MAGI2: variants seen among roughly 807,000 people sequenced by gnomAD.
MAGI2 encodes membrane associated guanylate kinase, WW and PDZ domain containing 2.
Under a neutral mutation model 133.3 loss-of-function variants are expected in MAGI2, and 35 were observed. That is an observed-to-expected ratio of 0.26 (90% CI 0.20 to 0.35). MAGI2 has a LOEUF of 0.35. MAGI2 is among the 10% of genes least tolerant of loss of function. The probability of loss-of-function intolerance (pLI) is 1.00; values close to 1 mark genes in which losing one functional copy is unlikely to be tolerated. For synonymous variants in MAGI2, 729 were observed against 710.6 expected (o/e 1.03, Z -0.41); for missense variants, 1,636 against 1,863.4 (o/e 0.88, Z 2.25).
chr7:78,463,614 G>A (rs1687239815), intron 6 of MAGI2, among the ~76,000 whole-genome samples: 2 of 152,206 alleles, frequency 1.3e-5, no homozygotes, highest in South Asian at 4.1e-4. Flanking sequence ...ATAAGCGGGA[G>A]AGCAAAGATG....
chr7:78,927,778 C>T (rs971065138), intron 2 of MAGI2, among the ~76,000 whole-genome samples: 87 of 151,754 alleles, frequency 5.7e-4, no homozygotes, highest in Non-Finnish European at 1.5e-4. Flanking sequence ...CTTTCTTCTT[C>T]CTCCATTTCT....
intron 1 of MAGI2, among the ~76,000 whole-genome samples, chr7:79,020,137 A>T (rs11769552): frequency 0.59 from 89,323 of 151,932 alleles, 26,593 homozygotes; most frequent in East Asian, 0.63. Flanking sequence ...CTTGTTGGGA[A>T]CAGGAATAAA....
chr7:78,408,709 T>A (rs1358547466), intron 6 of MAGI2, among the ~76,000 whole-genome samples: 1 of 152,020 alleles, frequency 6.6e-6, no homozygotes, highest in African/African-American at 2.4e-5. Context: ...AAAATACACA[T>A]CAAATTTTGA....
At chr7:78,434,088 G>T (rs1314027204) in intron 6 of MAGI2, among the ~76,000 whole-genome samples, 1 of 151,884 alleles carries the variant, frequency 6.6e-6, no homozygotes, top group East Asian at 1.9e-4. Context: ...CTTTTTTTCA[G>T]ATATAGATTC....
intron 1 of MAGI2, among the ~76,000 whole-genome samples, chr7:79,010,388 C>T (rs1249239917): frequency 2.0e-5 from 3 of 151,936 alleles, no homozygotes; most frequent in Non-Finnish European, 4.4e-5. Context: ...CAATGATGTC[C>T]TCAAAAAGTA....
At chr7:78,332,665 G>A (rs1227593903) in intron 9 of MAGI2, among the ~76,000 whole-genome samples, 2 of 144,068 alleles carry the variant, frequency 1.4e-5, no homozygotes, top group Non-Finnish European at 3.0e-5. Context: ...GCCACTGCAC[G>A]CTAGCCTGGG....
intron 2 of MAGI2, among the ~76,000 whole-genome samples, chr7:78,921,004 C>T (rs1334832626): frequency 5.9e-5 from 9 of 152,194 alleles, no homozygotes; most frequent in South Asian, 2.1e-4. Flanking sequence ...TCCTGATTTC[C>T]GTCAGGAATA....
chr7:79,067,218 T>C (rs1428787667), intron 1 of MAGI2, among the ~76,000 whole-genome samples: 1 of 152,226 alleles, frequency 6.6e-6, no homozygotes, highest in Non-Finnish European at 1.5e-5. Context: ...ATTTTCATGA[T>C]ATTGATTCTT....
intron 3 of MAGI2, among the ~76,000 whole-genome samples, chr7:78,537,854 T>C (rs1382514478): frequency 3.9e-5 from 6 of 152,186 alleles, no homozygotes; most frequent in Non-Finnish European, 8.8e-5. Context: ...TTTAATTAAG[T>C]GCCATCTATT....
intron 2 of MAGI2, among the ~76,000 whole-genome samples, chr7:78,961,879 C>T (rs1032793483): frequency 1.3e-5 from 2 of 151,800 alleles, no homozygotes; most frequent in Non-Finnish European, 2.9e-5. Flanking sequence ...CTACTATACC[C>T]CTAGGCTATA....
chr7:79,307,203 C>T (rs1028928138), intron 1 of MAGI2, among the ~76,000 whole-genome samples: 24 of 152,130 alleles, frequency 1.6e-4, no homozygotes, highest in African/African-American at 5.6e-4. Flanking sequence ...GTGCCTTACT[C>T]CAGGTGATTT....
chr7:79,080,354 G>A (rs1161261589), intron 1 of MAGI2, among the ~76,000 whole-genome samples: 4 of 152,024 alleles, frequency 2.6e-5, no homozygotes, highest in Admixed American at 2.0e-4. Flanking sequence ...TTTTGAATAA[G>A]GGTCAATAAA....
intron 20 of MAGI2, among the ~76,000 whole-genome samples, chr7:78,085,904 C>T (rs1251405865): frequency 6.7e-6 from 1 of 148,286 alleles, no homozygotes; most frequent in Non-Finnish European, 1.5e-5. Flanking sequence ...AGCACAGTAT[C>T]CTATGGTGGG....
chr7:79,200,671 T>A (rs1828534550), intron 1 of MAGI2, among the ~76,000 whole-genome samples: 2 of 151,768 alleles, frequency 1.3e-5, no homozygotes, highest in South Asian at 4.2e-4. Context: ...CACAGTCTTG[T>A]GAAAGTGTTA....
At chr7:79,378,924 G>GTA (rs745327540) in intron 1 of MAGI2, among the ~76,000 whole-genome samples, 2,870 of 46,326 alleles carry the variant, frequency 0.062, 96 homozygotes, top group East Asian at 0.085. Context: ...ATATGTGTGT[G>GTA]TGTATATATA....
Position 78,258,373 on chromosome 7 carries a change from G to A in MAGI2, c.1409-1792C>T, listed in dbSNP as rs116790701. Among the ~76,000 whole-genome samples, 945 of 152,162 alleles carry A rather than the reference G, an allele frequency of 6.2e-3. 8 individuals are homozygous for A. Among genetic ancestry groups the A allele is most frequent in the African/African-American group, 0.021 (891 of 41,524 alleles). On this transcript the variant is annotated intron_variant, in intron 9 of 21. Transcript: ENST00000354212. Reference sequence around the variant, plus strand: ...CTATTTTTCTCTCCTGTTTCTTTTAGTTTTAATGTTATATTTTCTACATTT... The same window carrying A: ...CTATTTTTCTCTCCTGTTTCTTTTAATTTTAATGTTATATTTTCTACATTT...
At chr7:79,116,136 G>T (rs1033311503) in intron 1 of MAGI2, among the ~76,000 whole-genome samples, 3 of 152,068 alleles carry the variant, frequency 2.0e-5, no homozygotes, top group Non-Finnish European at 4.4e-5. Flanking sequence ...AGATTGAAGG[G>T]ACACTCATCT....
chr7:78,927,878 C>T lies in MAGI2; in HGVS notation c.418+79212G>A, dbSNP rs1037447989. Among the ~76,000 whole-genome samples the T allele has an allele frequency of 6.6e-5, 10 of 151,946 alleles. No individual in the cohort carries two copies. In the East Asian group the frequency reaches 1.9e-3, roughly 29 times the overall value. Reference sequence around the variant, plus strand: ...ATAAGGAAGTTTGTAGAATCATATTCCTGTTTGTTTATGACTATGAACTAT... The same window carrying T: ...ATAAGGAAGTTTGTAGAATCATATTTCTGTTTGTTTATGACTATGAACTAT... On this transcript the variant is annotated intron_variant, in intron 2 of 21. Transcript: ENST00000354212.
At chr7:79,183,145 T>G (rs1826764821) in intron 1 of MAGI2, among the ~76,000 whole-genome samples, 1 of 151,740 alleles carries the variant, frequency 6.6e-6, no homozygotes, top group African/African-American at 2.4e-5. Context: ...CAGAGTAGGG[T>G]GACTGTAGAT....
Sources: gnomAD v4.1 joint callset for allele counts (sites outside exome capture counted in the v4.1 genomes callset) on GRCh38, gnomAD v4.1.1 for gene constraint, MANE v1.5 for transcripts, NCBI Gene and HGNC (gene_info 2026-07-23, HGNC 2026-07-21) for gene names.